SLC39A11: variants seen among roughly 807,000 people sequenced by gnomAD.
The protein encoded by SLC39A11 is solute carrier family 39 member 11, also known as zinc transporter ZIP11.
A neutral mutation model predicts 36.1 loss-of-function variants in SLC39A11; 33 were observed. The ratio of observed to expected loss-of-function variants is 0.91; its 90% confidence interval spans 0.69 to 1.22. The LOEUF is 1.22. SLC39A11 is among the 50% of genes most tolerant of loss of function. The pLI is 0.00. For missense variants in SLC39A11, 432 were observed against 430.3 expected, an observed-to-expected ratio of 1.00 and a Z score of -0.03; for synonymous variants, 166 against 170.3, an observed-to-expected ratio of 0.97 and a Z score of 0.20.
At chr17:72,905,230 G>A (rs1598360531) in intron 5 of SLC39A11, among the ~76,000 whole-genome samples, 2 of 145,100 alleles carry the variant, frequency 1.4e-5, no homozygotes, top group South Asian at 4.3e-4. Context: ...CCTGGAGAAT[G>A]ACCAGTATGA....
At chr17:72,685,287 G>A (rs983879671) in intron 7 of SLC39A11, among the ~76,000 whole-genome samples, 2 of 52,842 alleles carry the variant, frequency 3.8e-5, no homozygotes, top group African/African-American at 1.6e-4. Context: ...TTCAGGGGAG[G>A]ACCTCGTTTA....
At chr17:72,832,732 T>C (rs542481578) in intron 6 of SLC39A11, among the ~76,000 whole-genome samples, 61 of 152,208 alleles carry the variant, frequency 4.0e-4, no homozygotes, top group Non-Finnish European at 6.5e-4. Context: ...CTCCACACCA[T>C]AACAGCTATC....
At chr17:72,902,658 AT>A (rs1340882321) in intron 5 of SLC39A11, among the ~76,000 whole-genome samples, 1 of 152,244 alleles carries the variant, frequency 6.6e-6, no homozygotes, top group Non-Finnish European at 1.5e-5. Context: ...CCAAGAGCAA[AT>A]ATCTATAGAT....
At chr17:72,967,606 G>A (rs947420263) in intron 4 of SLC39A11, among the ~76,000 whole-genome samples, 3 of 152,102 alleles carry the variant, frequency 2.0e-5, no homozygotes, top group East Asian at 1.9e-4. Flanking sequence ...AAAATAATCC[G>A]TGACGAAAAG....
At chr17:73,007,682 G>A (rs2090260226) in intron 4 of SLC39A11, among the ~76,000 whole-genome samples, 1 of 152,170 alleles carries the variant, frequency 6.6e-6, no homozygotes, top group African/African-American at 2.4e-5. Context: ...AAGGAGGGAG[G>A]GAAGGAGGGA....
chr17:72,834,051 A>C (rs2078404705), intron 6 of SLC39A11, among the ~76,000 whole-genome samples: 1 of 152,176 alleles, frequency 6.6e-6, no homozygotes, highest in South Asian at 2.1e-4. Context: ...AACTCCTCCC[A>C]AGGCAAGCTT....
At chr17:72,778,448 C>T (rs2076207219) in intron 6 of SLC39A11, among the ~76,000 whole-genome samples, 3 of 152,238 alleles carry the variant, frequency 2.0e-5, no homozygotes, top group Non-Finnish European at 2.9e-5. Flanking sequence ...AGGGTTCACC[C>T]TTAAGCACTG....
At chr17:72,847,326 C>A (rs184399570) in intron 6 of SLC39A11, among the ~76,000 whole-genome samples, 1 of 151,590 alleles carries the variant, frequency 6.6e-6, no homozygotes, top group South Asian at 2.1e-4. Flanking sequence ...TTGCTTGAAC[C>A]GGGAAGTGGA....
At chr17:72,844,013 C>G (rs2078939197) in intron 6 of SLC39A11, among the ~76,000 whole-genome samples, 1 of 151,020 alleles carries the variant, frequency 6.6e-6, no homozygotes, top group Non-Finnish European at 1.5e-5. Flanking sequence ...ACTGAAATAG[C>G]AAAGACAAAA....
rs1470866603 is a variant in SLC39A11 at position 72,947,981 on chromosome 17, C to A, written c.307-106G>T. 8.3e-6 allele frequency: 12 copies of A among 1,439,632 alleles called. No homozygotes were observed. In the South Asian group the frequency reaches 1.2e-4, roughly 15 times the overall value. The allele number at this position is 1,439,632 out of a possible 1,614,324, so 89.2% of individuals were successfully genotyped here. A position where few individuals can be genotyped will look rare whatever the true frequency, so the allele number is the denominator to read the frequency against. ...GCAACTTGCCAGTCTCTACCAAGAC[C>A]GCCACAGCTGAGCCAGTCCTCCGGC... On this transcript the variant is annotated intron_variant, in intron 4 of 9. Transcript: ENST00000255559.
intron 4 of SLC39A11, among the ~76,000 whole-genome samples, chr17:73,026,945 C>A (rs1469832062): frequency 1.3e-5 from 2 of 151,926 alleles, no homozygotes; most frequent in African/African-American, 2.4e-5. Flanking sequence ...TAGGGAGACT[C>A]CTGTCTCTAC....
intron 6 of SLC39A11, among the ~76,000 whole-genome samples, chr17:72,803,796 C>T (rs1381802286): frequency 6.6e-6 from 1 of 152,106 alleles, no homozygotes; most frequent in Non-Finnish European, 1.5e-5. Flanking sequence ...CCCTGGATGG[C>T]CTTGAAGAGA....
intron 3 of SLC39A11, among the ~76,000 whole-genome samples, chr17:73,033,961 A>G (rs112762368): frequency 6.6e-6 from 1 of 152,296 alleles, no homozygotes; most frequent in African/African-American, 2.4e-5. Flanking sequence ...AACCTGCAAA[A>G]GCCTCCAAAA....
At chr17:72,762,550 AGCAGCCCTTGGG>A (rs2075625594) in intron 6 of SLC39A11, among the ~76,000 whole-genome samples, 1 of 152,218 alleles carries the variant, frequency 6.6e-6, no homozygotes. Flanking sequence ...ATGGGCAACC[AGCAGCCCTTGGG>A]GCAGCTCTGC....
intron 4 of SLC39A11, among the ~76,000 whole-genome samples, chr17:73,027,244 C>T (rs545788041): frequency 6.6e-6 from 1 of 152,046 alleles, no homozygotes; most frequent in Non-Finnish European, 1.5e-5. Context: ...TGTTCAGTGT[C>T]CTGTCTGTTT....
chr17:72,845,048 C>G (rs111298089), intron 6 of SLC39A11, among the ~76,000 whole-genome samples: 1 of 152,166 alleles, frequency 6.6e-6, no homozygotes, highest in South Asian at 2.1e-4. Context: ...ACATCCAGCA[C>G]GACCACCTTG....
intron 4 of SLC39A11, among the ~76,000 whole-genome samples, chr17:73,003,304 T>C (rs1430143760): frequency 6.6e-6 from 1 of 152,232 alleles, no homozygotes; most frequent in African/African-American, 2.4e-5. Flanking sequence ...CCGGGAATCA[T>C]TACAACAGAA....
intron 5 of SLC39A11, among the ~76,000 whole-genome samples, chr17:72,853,007 TTTGATTGA>T (rs71154923): frequency 6.6e-6 from 1 of 151,374 alleles, no homozygotes; most frequent in Non-Finnish European, 1.5e-5. Flanking sequence ...CTTGCAGACT[TTTGATTGA>T]TTGATTGATT....
At chr17:72,965,525 G>A (rs1048973763) in intron 4 of SLC39A11, among the ~76,000 whole-genome samples, 1 of 152,190 alleles carries the variant, frequency 6.6e-6, no homozygotes, top group African/African-American at 2.4e-5. Flanking sequence ...ACTAGGCTTT[G>A]TGTTAGATGA....
Sources: gnomAD v4.1 joint callset for allele counts (sites outside exome capture counted in the v4.1 genomes callset) on GRCh38, gnomAD v4.1.1 for gene constraint, MANE v1.5 for transcripts, NCBI Gene and HGNC (gene_info 2026-07-23, HGNC 2026-07-21) for gene names.